Variants in ALDH7A1 observed in about 807,000 individuals in gnomAD.
The protein encoded by ALDH7A1 is aldehyde dehydrogenase 7 family member A1.
In ALDH7A1, 63 loss-of-function variants were observed where a neutral mutation model predicts 79.9. The observed-to-expected ratio is 0.79, with a 90% CI of 0.64 to 0.97. ALDH7A1 has a LOEUF of 0.97. ALDH7A1 is among the 50% of genes least tolerant of loss of function. ALDH7A1 has a pLI of 0.00. For synonymous variants in ALDH7A1, 240 were observed against 231.2 expected, an observed-to-expected ratio of 1.04 and a Z score of -0.34; for missense variants, 627 against 665.2, an observed-to-expected ratio of 0.94 and a Z score of 0.63.
At chr5:126,571,222 A>G (rs985378799) in intron 7 of ALDH7A1, 5 of 292,242 alleles carry the variant, frequency 1.7e-5, no homozygotes, top group Non-Finnish European at 3.2e-5. Context: ...TCATGCCTGC[A>G]ATCCCAGCAC....
intron 1 of ALDH7A1, chr5:126,593,870 C>T (rs908665854): frequency 7.3e-6 from 2 of 273,776 alleles, no homozygotes; most frequent in Admixed American, 9.8e-5. Context: ...CTAAAAAGGC[C>T]TCCAAGAGCC....
intron 1 of ALDH7A1, 114 bp downstream of exon 1, chr5:126,594,893 A>C: frequency 1.4e-6 from 2 of 1,405,704 alleles, no homozygotes. Context: ...GAGCTTCAAA[A>C]TCTCCCATGC....
At position 126,543,329 on chromosome 5, in the gene ALDH7A1, C is replaced by G. The variant is rs891934951; in HGVS notation, c.*1636G>C. On this transcript the variant is annotated 3_prime_UTR_variant, in exon 18 of 18. Coordinates refer to ENST00000409134, the MANE Select transcript of ALDH7A1 (RefSeq NM_001182.5). ...AATTATAAATTTGTTTCAAAGAAAG[C>G]TTTCAGAATCAGTTTTACCTAAAAT... is the stretch of plus-strand genomic sequence containing the variant. 1.3e-5 allele frequency: 2 copies of G among 152,040 alleles called. No homozygotes were observed. The highest frequency in any genetic ancestry group is 2.4e-5 in the African/African-American group (1 of 41,396). The allele number at this position is 152,040 out of a possible 1,614,324, so 9.4% of individuals were successfully genotyped here. A position where few individuals can be genotyped will look rare whatever the true frequency, so the allele number is the denominator to read the frequency against.
chr5:126,579,849 A>T (rs1751111864), intron 5 of ALDH7A1, among the ~76,000 whole-genome samples: 1 of 152,066 alleles, frequency 6.6e-6, no homozygotes, highest in African/African-American at 2.4e-5. Context: ...AATCCCAGCT[A>T]CTCAGGAGGC....
chr5:126,578,678 A>C (rs1300543414), intron 5 of ALDH7A1, among the ~76,000 whole-genome samples: 1 of 151,978 alleles, frequency 6.6e-6, no homozygotes, highest in Non-Finnish European at 1.5e-5. Context: ...AAGAAAAAAC[A>C]AACAAAAATA....
chr5:126,589,303 G>A (rs753017155), intron 3 of ALDH7A1, among the ~76,000 whole-genome samples: 69 of 152,018 alleles, frequency 4.5e-4, no homozygotes, highest in African/African-American at 6.8e-4. Context: ...GGTTACAGGC[G>A]CGCACCACCA....
chr5:126,550,815 G>A (rs1340576620), intron 14 of ALDH7A1, among the ~76,000 whole-genome samples: 1 of 152,176 alleles, frequency 6.6e-6, no homozygotes, highest in Admixed American at 6.5e-5. Flanking sequence ...AAATAAAGAA[G>A]CAATGATGTA....
intron 10 of ALDH7A1, among the ~76,000 whole-genome samples, chr5:126,559,931 C>A (rs1471286230): frequency 6.6e-6 from 1 of 151,478 alleles, no homozygotes; most frequent in Non-Finnish European, 1.5e-5. Flanking sequence ...TCTTTTATTT[C>A]TCGGGGGGTT....
In ALDH7A1 at chr5:126,577,200, C is replaced by G. The variant is rs140102105; in HGVS notation, c.529G>C (p.Ala177Pro). 5.6e-6 allele frequency: 9 copies of G among 1,614,020 alleles called. No individual in the cohort carries two copies. In the African/African-American group the frequency reaches 1.2e-4, roughly 22 times the overall value. The change falls in exon 6 of 18, where the codon GCA (alanine) becomes CCA (proline). Residue 177 changes from alanine to proline, a missense_variant. By Grantham distance (27) the Ala-to-Pro change is conservative (BLOSUM62 -1). Transcript: ENST00000409134. ...ACGGGATTCCACTGCTCAATCAGTGCATGGCCAGATCCTGAGGACAGAAAA... is the reference window on the plus strand; with the variant it reads ...ACGGGATTCCACTGCTCAATCAGTGGATGGCCAGATCCTGAGGACAGAAAA... ...PILPSERSGH[A>P]LIEQWNPVGL...
chr5:126,589,668 G>A (rs1257647803), intron 3 of ALDH7A1, among the ~76,000 whole-genome samples: 2 of 150,598 alleles, frequency 1.3e-5, no homozygotes, highest in Admixed American at 6.6e-5. Flanking sequence ...AGTGAGGAGC[G>A]CCCTGCCCAG....
chr5:126,552,487 G>A (rs571260957), intron 13 of ALDH7A1, among the ~76,000 whole-genome samples: 1 of 152,240 alleles, frequency 6.6e-6, no homozygotes, highest in African/African-American at 2.4e-5. Context: ...CCGTCTCCCG[G>A]GTTCAAGCCA....
intron 8 of ALDH7A1, chr5:126,568,691 T>C (rs1323629530): frequency 8.8e-6 from 3 of 341,322 alleles, no homozygotes; most frequent in Non-Finnish European, 1.7e-5. Flanking sequence ...TACAAACTTT[T>C]AACTGCTGTG....
chr5:126,551,616 C>G (rs1750001433), intron 14 of ALDH7A1, among the ~76,000 whole-genome samples: 1 of 152,148 alleles, frequency 6.6e-6, no homozygotes, highest in African/African-American at 2.4e-5. Flanking sequence ...AGCCACCGTG[C>G]CTGGCCAACT....
chr5:126,574,023 CAAAAAAAAA>C (rs34601459), intron 7 of ALDH7A1, among the ~76,000 whole-genome samples: 3 of 57,244 alleles, frequency 5.2e-5, no homozygotes, highest in African/African-American at 6.6e-5. Flanking sequence ...AAGACTGTCT[CAAAAAAAAA>C]AAAAAAAAAA....
chr5:126,571,474 CAAAA>C (rs66827025), intron 7 of ALDH7A1, among the ~76,000 whole-genome samples: 2 of 114,958 alleles, frequency 1.7e-5, no homozygotes, highest in Non-Finnish European at 2.0e-5. Context: ...GACTGTATCT[CAAAA>C]AAAAAAAAAA....
intron 7 of ALDH7A1, among the ~76,000 whole-genome samples, chr5:126,571,565 T>A (rs535290007): frequency 6.6e-6 from 1 of 152,014 alleles, no homozygotes; most frequent in Non-Finnish European, 1.5e-5. Flanking sequence ...CAAACTGTCA[T>A]TGTTTTCAAG....
At chr5:126,571,892 A>C (rs1750792794) in intron 7 of ALDH7A1, among the ~76,000 whole-genome samples, 1 of 152,194 alleles carries the variant, frequency 6.6e-6, no homozygotes, top group Non-Finnish European at 1.5e-5. Flanking sequence ...CAGAACCCTG[A>C]AAGAGCTTGA....
At chr5:126,549,851 G>T in intron 16 of ALDH7A1, 78 bp downstream of exon 16, 3 of 1,274,388 alleles carry the variant, frequency 2.4e-6, no homozygotes, top group South Asian at 1.2e-5. Flanking sequence ...TCAGTCTCTT[G>T]GTCAGCCTTT....
intron 8 of ALDH7A1, chr5:126,570,487 A>G (rs971104013): frequency 5.6e-5 from 20 of 359,530 alleles, no homozygotes; most frequent in Admixed American, 3.0e-4. Flanking sequence ...ACACCTTGAT[A>G]AACCAAGTGT....
Sources: allele counts gnomAD v4.1 joint callset (sites outside exome capture counted in the v4.1 genomes callset), GRCh38; gene constraint gnomAD v4.1.1; transcripts MANE v1.5; gene names NCBI Gene and HGNC (gene_info 2026-07-23, HGNC 2026-07-21).